C2CD2: variants seen among roughly 807,000 people sequenced by gnomAD.
C2CD2 encodes C2 domain-containing protein 2.
Under a neutral mutation model 74.3 loss-of-function variants are expected in C2CD2, and 43 were observed. That is an observed-to-expected ratio of 0.58 (90% CI 0.45 to 0.75). The LOEUF (loss-of-function observed/expected upper bound fraction) is 0.75. C2CD2 is among the 30% of genes least tolerant of loss of function. The pLI is 0.00. For synonymous variants in C2CD2, 422 were observed against 390.7 expected, an observed-to-expected ratio of 1.08 and a Z score of -0.94; for missense variants, 801 against 916.3, an observed-to-expected ratio of 0.87 and a Z score of 1.63.
intron 11 of C2CD2, 85 bp from the exon 12 acceptor site, chr21:41,901,834 T>A (rs2064902344): frequency 1.7e-6 from 2 of 1,208,628 alleles, no homozygotes; most frequent in South Asian, 2.5e-5. Context: ...AAATGGTCGA[T>A]AAGCAATGGT....
In C2CD2 at chr21:41,905,746, T is replaced by G. The variant is rs1197553408; in HGVS notation, c.1410A>C (p.Lys470Asn). 4.4e-6 allele frequency: 7 copies of G among 1,606,660 alleles called. No individual in the cohort carries two copies. Among genetic ancestry groups the G allele is most frequent in the Non-Finnish European group, 5.1e-6 (6 of 1,173,842 alleles). Residue 470 changes from lysine (K) to asparagine (N), a missense_variant, in exon 11 of 14, where the codon AAA becomes AAC. By Grantham distance (94) the Lys-to-Asn change is moderately conservative. Transcript: ENST00000380486. ...AIACRSAPVS[K>N]TLSSSDTELL... Reference sequence around the variant, plus strand: ...TACCTGTGTCTGAAGAAGAGAGTGTTTTGCTGACGGGGGCGCTGCGGCAGG... The same window carrying G: ...TACCTGTGTCTGAAGAAGAGAGTGTGTTGCTGACGGGGGCGCTGCGGCAGG...
chr21:41,907,519 T>A (rs2064976902), intron 9 of C2CD2, 141 bp downstream of exon 9: 10 of 889,128 alleles, frequency 1.1e-5, no homozygotes, highest in Middle Eastern at 6.9e-4. Flanking sequence ...TGGTCCTGCG[T>A]ACGATGAAAC....
intron 13 of C2CD2, among the ~76,000 whole-genome samples, chr21:41,891,301 C>T (rs898382043): frequency 4.6e-5 from 7 of 152,214 alleles, no homozygotes; most frequent in African/African-American, 1.7e-4. Flanking sequence ...ACATCAGTGT[C>T]AGTTCCTGGA....
chr21:41,903,693 C>G lies in C2CD2; in HGVS notation c.1433-1944G>C, dbSNP rs1039703909. 6.6e-6 allele frequency among the ~76,000 whole-genome samples: 1 copy of G among 152,176 alleles called. No homozygotes were observed. Among genetic ancestry groups the G allele is most frequent in the Non-Finnish European group, 1.5e-5 (1 of 68,022 alleles). On this transcript the variant is annotated intron_variant, in intron 11 of 13. Transcript: ENST00000380486. The surrounding 1 kb of genome is among the most constrained non-coding windows in gnomAD (Gnocchi z 4.5). ...ACGTGTCGGGAGCACGTCCTCCTCACGCCAGGCCCAGTGCTTCTGTTCAGT... is the reference window on the plus strand; with the variant it reads ...ACGTGTCGGGAGCACGTCCTCCTCAGGCCAGGCCCAGTGCTTCTGTTCAGT...
intron 11 of C2CD2, 134 bp downstream of exon 11, chr21:41,905,590 T>TTAC: frequency 1.7e-6 from 1 of 590,274 alleles, no homozygotes; most frequent in South Asian, 2.1e-5. Flanking sequence ...AGTGCTGAGA[T>TTAC]TACGGGTGTG....
intron 13 of C2CD2, 48 bp from the exon 14 acceptor site, chr21:41,889,392 G>C: frequency 7.6e-7 from 1 of 1,308,740 alleles, no homozygotes; most frequent in Non-Finnish European, 1.1e-6. Context: ...GGGAATGAGG[G>C]GCTGAATGAC....
intron 2 of C2CD2, among the ~76,000 whole-genome samples, chr21:41,937,012 G>A (rs1363000240): frequency 3.3e-5 from 5 of 150,776 alleles, no homozygotes; most frequent in Non-Finnish European, 5.9e-5. Flanking sequence ...AGAGATGGGG[G>A]GTTTCACCAT....
At position 41,887,887 on chromosome 21, in the gene C2CD2, C is replaced by T. The variant is rs961050411; in HGVS notation, c.*1237G>A. The T allele has an allele frequency of 6.6e-6, 1 of 152,206 alleles. No homozygotes were observed. The highest frequency in any genetic ancestry group is 2.4e-5 in the African/African-American group (1 of 41,440). 9.4% of individuals were successfully genotyped at this position (152,206 alleles called of 1,614,324 possible). On this transcript the variant is annotated 3_prime_UTR_variant, in exon 14 of 14. Transcript: ENST00000380486. Reference sequence around the variant, plus strand: ...GATGACTGCTCTTTGACCAGCATGTCTACTGGAAGTGGCACATTCAGAAGT... The same window carrying T: ...GATGACTGCTCTTTGACCAGCATGTTTACTGGAAGTGGCACATTCAGAAGT...
intron 13 of C2CD2, among the ~76,000 whole-genome samples, chr21:41,889,813 C>T (rs182710084): frequency 1.3e-5 from 2 of 151,832 alleles, no homozygotes; most frequent in South Asian, 4.2e-4. Context: ...TTTTGTATTT[C>T]TAGTAGAGAC....
chr21:41,899,031 T>TG lies in C2CD2; in HGVS notation c.1870+21dup. 1.3e-6 allele frequency: 2 copies of TG among 1,595,884 alleles called. No homozygotes were observed. The highest frequency in any genetic ancestry group is 1.7e-6 in the Non-Finnish European group (2 of 1,167,592). ...AAGCCACCAAGTGGGGGGCCCGGGA[T>TG]GGGGGGCTCGGGAGCAGGTACCTTT... On this transcript the variant is annotated intron_variant, in intron 13 of 13. Transcript: ENST00000380486. This position sits in a 1 kb window ranked among gnomAD's most constrained non-coding sequence, Gnocchi z 4.4.
Position 41,953,437 on chromosome 21 carries a change from C to G in C2CD2, c.212G>C (p.Gly71Ala). 1 of 1,463,222 alleles carries G rather than the reference C, an allele frequency of 6.8e-7. No homozygotes were observed. Among genetic ancestry groups the G allele is most frequent in the Non-Finnish European group, 9.1e-7 (1 of 1,100,692 alleles). 90.6% of individuals were successfully genotyped at this position (1,463,222 alleles called of 1,614,324 possible). A position where few individuals can be genotyped will look rare whatever the true frequency, so the allele number is the denominator to read the frequency against. Reference protein sequence around the residue: ...DALLSWILTLGSWRSQWQAAW... With the variant: ...DALLSWILTLASWRSQWQAAW... ...CGCCTGCCACTGGCTCCTCCAGCTG[C>G]CCAGCGTCAGGATCCAGGAGAGCAG... is the stretch of plus-strand genomic sequence containing the variant. Residue 71 changes from glycine (G) to alanine (A), a missense_variant, in exon 1 of 14, where the codon GGC becomes GCC. By Grantham distance (60) the Gly-to-Ala change is moderately conservative (BLOSUM62 0). Transcript: ENST00000380486.
chr21:41,922,261 C>T (rs538872547), intron 2 of C2CD2, among the ~76,000 whole-genome samples, 176 bp from the exon 3 acceptor site: 46 of 150,222 alleles, frequency 3.1e-4, no homozygotes, highest in Admixed American at 2.5e-3. Flanking sequence ...CCAGCTCAGG[C>T]GATCTTCCCA....
chr21:41,924,175 TC>T lies in C2CD2; in HGVS notation c.379-2091del, dbSNP rs2065184362. Among the ~76,000 whole-genome samples the T allele has an allele frequency of 1.3e-5, 2 of 152,276 alleles. No homozygotes were observed. Among genetic ancestry groups the T allele is most frequent in the Non-Finnish European group, 2.9e-5 (2 of 68,024 alleles). ...TAATTACTCAGTCAGGGCCTGCTAT[TC>T]CCCCAAGTTCAGGGCTAGGACATTC... is the stretch of plus-strand genomic sequence containing the variant. On this transcript the variant is annotated intron_variant, in intron 2 of 13. Transcript: ENST00000380486. This position sits in a 1 kb window ranked among gnomAD's most constrained non-coding sequence, Gnocchi z 4.4.
intron 1 of C2CD2, among the ~76,000 whole-genome samples, chr21:41,950,623 G>A (rs556405878): frequency 1.8e-4 from 28 of 152,252 alleles, no homozygotes; most frequent in Non-Finnish European, 1.5e-5. Flanking sequence ...AAACATTTAG[G>A]TCTCCAAGTT....
rs375969449 is a variant in C2CD2 at position 41,894,589 on chromosome 21, C to T, written c.1870+4464G>A. The T allele has an allele frequency of 2.0e-4, 92 of 453,964 alleles. 3 individuals are homozygous for T. The highest frequency in any genetic ancestry group is 1.1e-3 in the South Asian group (69 of 64,354). 28.1% of individuals were successfully genotyped at this position (453,964 alleles called of 1,614,324 possible). A position where few individuals can be genotyped will look rare whatever the true frequency, so the allele number is the denominator to read the frequency against. ...CGGAGAGTGTGGATACATCAAAGCC[C>T]GTGGGGTCTCATGGAGCAAAGCCCC... On this transcript the variant is annotated intron_variant, in intron 13 of 13. Transcript: ENST00000380486.
At chr21:41,928,439 C>T (rs2065234145) in intron 2 of C2CD2, among the ~76,000 whole-genome samples, 1 of 151,604 alleles carries the variant, frequency 6.6e-6, no homozygotes, top group Non-Finnish European at 1.5e-5. Flanking sequence ...CCACCACCCG[C>T]CCTAGGAAAG....
In C2CD2 at chr21:41,892,230, G is replaced by A. The variant is rs879611394; in HGVS notation, c.1871-2886C>T. On this transcript the variant is annotated intron_variant, in intron 13 of 13. Coordinates refer to ENST00000380486, the MANE Select transcript of C2CD2 (RefSeq NM_015500.2). The surrounding 1 kb of genome is among the most constrained non-coding windows in gnomAD (Gnocchi z 4.6). ...ACGTGAAGATGAAGGCAGAGCACAG[G>A]GTGATGCTTCTACAAGCCAAGGAAC... 2.6e-5 allele frequency among the ~76,000 whole-genome samples: 4 copies of A among 152,162 alleles called. No individual in the cohort carries two copies. The highest frequency in any genetic ancestry group is 5.9e-5 in the Non-Finnish European group (4 of 68,028).
At chr21:41,891,053 T>C (rs1025485037) in intron 13 of C2CD2, among the ~76,000 whole-genome samples, 6 of 152,196 alleles carry the variant, frequency 3.9e-5, no homozygotes, top group African/African-American at 1.4e-4. Context: ...GACGTGTCAT[T>C]TGGACATTTT....
chr21:41,929,220 C>T lies in C2CD2; in HGVS notation c.379-7135G>A, dbSNP rs548741437. Among the ~76,000 whole-genome samples the T allele has an allele frequency of 8.5e-5, 13 of 152,320 alleles. No homozygotes were observed. The South Asian group carries it at 1.4e-3, about 17-fold the overall frequency. ...ATGAGGTTCACTCTGGCCTCTGCTG[C>T]GTCAGAGCTCCATACCTTGGCCAAG... is the stretch of plus-strand genomic sequence containing the variant. On this transcript the variant is annotated intron_variant, in intron 2 of 13. Transcript: ENST00000380486. The surrounding 1 kb of genome is among the most constrained non-coding windows in gnomAD (Gnocchi z 4.6).
Sources: allele counts gnomAD v4.1 joint callset (sites outside exome capture counted in the v4.1 genomes callset), GRCh38; gene constraint gnomAD v4.1.1; non-coding constraint Gnocchi (gnomAD v3.1); transcripts MANE v1.5; gene names NCBI Gene and HGNC (gene_info 2026-07-23, HGNC 2026-07-21).